ZNRF2: variants seen among roughly 807,000 people sequenced by gnomAD.
ZNRF2 encodes E3 ubiquitin-protein ligase ZNRF2.
A neutral mutation model predicts 20.4 loss-of-function variants in ZNRF2; 16 were observed. The observed-to-expected ratio is 0.79, with a 90% CI of 0.53 to 1.19. The LOEUF (loss-of-function observed/expected upper bound fraction) is 1.19. Among genes scored for constraint, ZNRF2 ranks in the 50% most tolerant of loss-of-function variants. The pLI is 0.00. For missense variants in ZNRF2, 363 were observed against 332.4 expected (o/e 1.09, Z -0.72); for synonymous variants, 178 against 144.9 (o/e 1.23, Z -1.64).
At position 30,364,733 on chromosome 7, in the gene ZNRF2, A is replaced by C. The variant is rs190934864; in HGVS notation, c.*23-1302A>C. On this transcript the variant is annotated intron_variant, in intron 4 of 4. Coordinates refer to ENST00000323037, the MANE Select transcript of ZNRF2 (RefSeq NM_147128.4). ...TTTTTGTCTTAGTATTTTACATGCC[A>C]AAGTAATACATCTAAATCCTTCATC... 8.8e-3 allele frequency among the ~76,000 whole-genome samples: 1,348 copies of C among 152,346 alleles called. 11 individuals are homozygous for C. Among genetic ancestry groups the C allele is most frequent in the Non-Finnish European group, 0.013 (896 of 68,026 alleles).
chr7:30,315,202 T>C (rs1192731281), intron 1 of ZNRF2, among the ~76,000 whole-genome samples: 1 of 152,188 alleles, frequency 6.6e-6, no homozygotes, highest in Non-Finnish European at 1.5e-5. Context: ...TCTGTTCTTA[T>C]CTTAGCCATT....
chr7:30,335,120 T>C (rs893624815), intron 2 of ZNRF2, among the ~76,000 whole-genome samples: 1 of 152,192 alleles, frequency 6.6e-6, no homozygotes, highest in Admixed American at 6.5e-5. Context: ...TCTGATTTCA[T>C]TAATAACGTT....
At chr7:30,338,290 T>A (rs77956821) in intron 2 of ZNRF2, among the ~76,000 whole-genome samples, 2 of 151,180 alleles carry the variant, frequency 1.3e-5, no homozygotes, top group South Asian at 2.1e-4. Context: ...TTTTTTTTTT[T>A]AATTTAAGTT....
At chr7:30,324,000 T>A (rs1799513508) in intron 2 of ZNRF2, among the ~76,000 whole-genome samples, 1 of 152,206 alleles carries the variant, frequency 6.6e-6, no homozygotes. Flanking sequence ...TTATAATTTT[T>A]AATTTATTTT....
At position 30,295,688 on chromosome 7, in the gene ZNRF2, T is replaced by C. The variant is rs535102323; in HGVS notation, c.469+9862T>C. On this transcript the variant is annotated intron_variant, in intron 1 of 4. Transcript: ENST00000323037. The stretch of plus-strand genomic sequence containing the variant: ...TTGCACCACTGCACTCCAGCCTGGG[T>C]GATGGAATGAGACTCTGTCTCAAAA... 3.3e-5 allele frequency among the ~76,000 whole-genome samples: 5 copies of C among 152,236 alleles called. No individual in the cohort carries two copies. The East Asian group carries it at 9.6e-4, about 29-fold the overall frequency.
intron 3 of ZNRF2, among the ~76,000 whole-genome samples, chr7:30,361,635 T>A (rs1800128624): frequency 6.6e-6 from 1 of 152,220 alleles, no homozygotes; most frequent in Non-Finnish European, 1.5e-5. Context: ...ATGTTCTATA[T>A]CTATGCTGTC....
At chr7:30,361,142 C>T (rs1320228384) in intron 3 of ZNRF2, among the ~76,000 whole-genome samples, 3 of 151,892 alleles carry the variant, frequency 2.0e-5, no homozygotes, top group Non-Finnish European at 4.4e-5. Context: ...TATGAATTAA[C>T]ACATCTGGAG....
chr7:30,349,875 A>G (rs1799937838), intron 2 of ZNRF2, among the ~76,000 whole-genome samples: 1 of 152,064 alleles, frequency 6.6e-6, no homozygotes, highest in Non-Finnish European at 1.5e-5. Flanking sequence ...CAACTCATTT[A>G]GGAAAATATT....
At chr7:30,325,248 A>AT (rs933240297) in intron 2 of ZNRF2, among the ~76,000 whole-genome samples, 16 of 152,052 alleles carry the variant, frequency 1.1e-4, no homozygotes, top group South Asian at 2.1e-4. Context: ...GAGAAATTTC[A>AT]TTTTTTTTAA....
At chr7:30,354,784 C>CA (rs1800011763) in intron 2 of ZNRF2, among the ~76,000 whole-genome samples, 1 of 152,002 alleles carries the variant, frequency 6.6e-6, no homozygotes, top group African/African-American at 2.4e-5. Flanking sequence ...ATTCTGTAAA[C>CA]GAAGAACATA....
intron 2 of ZNRF2, among the ~76,000 whole-genome samples, chr7:30,344,595 T>A (rs1291057136): frequency 6.6e-6 from 1 of 152,198 alleles, no homozygotes; most frequent in Non-Finnish European, 1.5e-5. Context: ...CCTCTTTTAA[T>A]TTTTGCTAGG....
At position 30,315,735 on chromosome 7, in the gene ZNRF2, G is replaced by GGC. The variant is rs1554294860; in HGVS notation, c.470-7906_470-7905insCG. Among the ~76,000 whole-genome samples the GGC allele has an allele frequency of 2.1e-5, 2 of 94,490 alleles. 1 individual carries two copies. The highest frequency in any genetic ancestry group is 4.3e-5 in the Non-Finnish European group (2 of 46,750). 62.0% of individuals were successfully genotyped at this position (94,490 alleles called of 152,430 possible). On this transcript the variant is annotated intron_variant, in intron 1 of 4. Transcript: ENST00000323037. ...TAAAGAAAAAGGTGGGGCGGGGGGG[G>GGC]GGGGGTTGGGTATAAAGACGCCTAC...
chr7:30,327,365 G>A (rs1799568381), intron 2 of ZNRF2, among the ~76,000 whole-genome samples: 1 of 152,040 alleles, frequency 6.6e-6, no homozygotes, highest in African/African-American at 2.4e-5. Flanking sequence ...TTCTGCATAT[G>A]GCTAGCTAGT....
chr7:30,356,300 T>A (rs542976074), intron 3 of ZNRF2, among the ~76,000 whole-genome samples: 1 of 151,628 alleles, frequency 6.6e-6, no homozygotes, highest in South Asian at 2.1e-4. Context: ...AAAAAAAGTT[T>A]AAGGTAACCA....
intron 2 of ZNRF2, among the ~76,000 whole-genome samples, chr7:30,351,329 G>A (rs541623241): frequency 1.3e-5 from 2 of 152,048 alleles, no homozygotes; most frequent in South Asian, 4.1e-4. Flanking sequence ...TTCAAGTGCT[G>A]TTTTCAGGCC....
rs1799348462 is a variant in ZNRF2, at chr7:30,315,032, G to T, written c.470-8610G>T. ...GGGGTTTCACCATGTTAGCCAGGAT[G>T]GTCTCGATCTCCTGACATTGTGATC... On this transcript the variant is annotated intron_variant, in intron 1 of 4. Transcript: ENST00000323037. 2.6e-5 allele frequency among the ~76,000 whole-genome samples: 4 copies of T among 152,008 alleles called. No homozygotes were observed. The South Asian group carries it at 8.3e-4, about 31-fold the overall frequency.
At position 30,323,799 on chromosome 7, in the gene ZNRF2, A is replaced by G. The variant is rs1214037474; in HGVS notation, c.565+62A>G. On this transcript the variant is annotated intron_variant, in intron 2 of 4. Coordinates refer to ENST00000323037, the MANE Select transcript of ZNRF2 (RefSeq NM_147128.4). ...AATTAACTTACATTTTATGAATTTC[A>G]TGTTTCAAGTATAATTTAAAAGGAG... 3 of 1,117,204 alleles carry G rather than the reference A, an allele frequency of 2.7e-6. No homozygotes were observed. The African/African-American group carries it at 4.9e-5, about 18-fold the overall frequency. 69.2% of individuals were successfully genotyped at this position (1,117,204 alleles called of 1,614,324 possible). A position where few individuals can be genotyped will look rare whatever the true frequency, so the allele number is the denominator to read the frequency against.
chr7:30,286,346 A>G (rs563444861), intron 1 of ZNRF2, among the ~76,000 whole-genome samples: 3 of 152,354 alleles, frequency 2.0e-5, no homozygotes, highest in Admixed American at 6.5e-5. Context: ...CCCAGTTACT[A>G]TGTCATTTTA....
intron 1 of ZNRF2, among the ~76,000 whole-genome samples, chr7:30,313,344 T>G (rs1799319171): frequency 6.6e-6 from 1 of 152,176 alleles, no homozygotes; most frequent in South Asian, 2.1e-4. Flanking sequence ...CACAATATAA[T>G]CTAAGACCCA....
Sources: gnomAD v4.1 joint callset for allele counts (sites outside exome capture counted in the v4.1 genomes callset) on GRCh38, gnomAD v4.1.1 for gene constraint, MANE v1.5 for transcripts, NCBI Gene and HGNC (gene_info 2026-07-23, HGNC 2026-07-21) for gene names.